Variants in ZNF208 observed in about 807,000 individuals in gnomAD.
ZNF208 encodes the protein zinc finger protein 95.
In ZNF208, 10 loss-of-function variants were observed where a neutral mutation model predicts 12.1. The ratio of observed to expected loss-of-function variants is 0.83; its 90% CI spans 0.51 to 1.40. The LOEUF (loss-of-function observed/expected upper bound fraction) is 1.40, where lower values mean the gene tolerates loss of function less well. Among genes scored for constraint, ZNF208 ranks in the 40% most tolerant of loss-of-function variants. ZNF208 has a pLI of 0.00. For missense variants in ZNF208, 1,652 were observed against 1,485.0 expected (o/e 1.11, Z -1.85); for synonymous variants, 497 against 488.4 (o/e 1.02, Z -0.23).
At position 21,972,891 on chromosome 19, in the gene ZNF208, G is replaced by A. The variant is rs1433964637; in HGVS notation, c.2143C>T (p.His715Tyr). ...CATTTGTAGGGTTTCTCTCCAGTAT[G>A]AATTCTCTTATGTTCCATAAGGTTT... ...SSNLMEHKRIHTGEKPYKCEE... is the reference protein window; with the variant it reads ...SSNLMEHKRIYTGEKPYKCEE... The change falls in exon 4 of 4, where the codon CAT becomes TAT. Residue 715 changes from histidine to tyrosine, a missense_variant. Coordinates refer to ENST00000397126, the MANE Select transcript of ZNF208 (RefSeq NM_007153.3). 4 of 1,613,202 alleles carry A rather than the reference G, an allele frequency of 2.5e-6. No homozygotes were observed. In the African/African-American group the frequency reaches 5.3e-5, roughly 22 times the overall value.
chr19:21,942,831 A>G (rs1407407035), intron 4 of ZNF208, among the ~76,000 whole-genome samples: 1 of 152,016 alleles, frequency 6.6e-6, no homozygotes, highest in Non-Finnish European at 1.5e-5. Context: ...TTGTATTTTT[A>G]GTAGAGATGG....
chr19:21,970,802 A>G lies in ZNF208; in HGVS notation c.*389T>C. The G allele has an allele frequency of 6.9e-7, 1 of 1,451,786 alleles. No individual in the cohort carries two copies. Among genetic ancestry groups the G allele is most frequent in the South Asian group, 1.1e-5 (1 of 87,070 alleles). The allele number at this position is 1,451,786 out of a possible 1,614,324, so 89.9% of individuals were successfully genotyped here. Reference sequence around the variant, plus strand: ...ATTTCTCTCCAGCATGAATTTTCTTATGTTTACTAAAGACTGAGAACCAGC... The same window carrying G: ...ATTTCTCTCCAGCATGAATTTTCTTGTGTTTACTAAAGACTGAGAACCAGC... On this transcript the variant is annotated 3_prime_UTR_variant, in exon 4 of 4. Coordinates refer to ENST00000397126, the MANE Select transcript of ZNF208 (RefSeq NM_007153.3).
chr19:21,986,278 CA>C (rs1428394189), intron 3 of ZNF208, among the ~76,000 whole-genome samples: 14 of 152,236 alleles, frequency 9.2e-5, no homozygotes, highest in African/African-American at 3.1e-4. Flanking sequence ...AAACCATAAA[CA>C]GTACATTAAA....
intron 1 of ZNF208, among the ~76,000 whole-genome samples, chr19:21,995,201 C>CTTGGCT (rs1162031350): frequency 6.6e-6 from 1 of 152,184 alleles, no homozygotes; most frequent in Non-Finnish European, 1.5e-5. Flanking sequence ...ATCCACCCAT[C>CTTGGCT]TTGGCTTCCC....
In ZNF208 at chr19:21,986,799, C is replaced by T. The variant is rs140928310; in HGVS notation, c.226+417G>A. ...AGGATGAAATGTACAGAAAAATGAA[C>T]AAAAAAACCCCAAAGATACAGAAAC... On this transcript the variant is annotated intron_variant, in intron 3 of 3. Transcript: ENST00000397126. 1.3e-3 allele frequency: 488 copies of T among 370,808 alleles called. 2 individuals are homozygous for T. The highest frequency in any genetic ancestry group is 9.5e-3 in the African/African-American group (456 of 48,028). 23.0% of individuals were successfully genotyped at this position (370,808 alleles called of 1,614,324 possible). A position where few individuals can be genotyped will look rare whatever the true frequency, so the allele number is the denominator to read the frequency against.
Position 21,973,727 on chromosome 19 carries a change from C to T in ZNF208, c.1307G>A (p.Trp436Ter). The T allele has an allele frequency of 6.2e-7, 1 of 1,608,584 alleles. No individual in the cohort carries two copies. Among genetic ancestry groups the T allele is most frequent in the Non-Finnish European group, 8.5e-7 (1 of 1,177,168 alleles). Residue 436 changes from tryptophan to a stop codon, truncating the protein, a stop_gained, in exon 4 of 4, where the codon TGG becomes TAG. Coordinates refer to ENST00000397126, the MANE Select transcript of ZNF208 (RefSeq NM_007153.3). LOFTEE classifies it low-confidence loss of function (END_TRUNC). ...KCEECGKAFN[W>*]SSNLMEHKKI... Reference sequence around the variant, plus strand: ...CTTATGTTCCATAAGGTTTGAGGACCAGTTGAAAGCTTTGCCACATTCTTC... The same window carrying T: ...CTTATGTTCCATAAGGTTTGAGGACTAGTTGAAAGCTTTGCCACATTCTTC...
intron 3 of ZNF208, among the ~76,000 whole-genome samples, chr19:21,981,239 T>C (rs1166640103): frequency 2.6e-5 from 4 of 152,086 alleles, no homozygotes; most frequent in African/African-American, 4.8e-5. Context: ...TACCAAAACC[T>C]GGCAGAGACA....
In ZNF208 at chr19:21,972,973, A is replaced by G. The variant is rs748795194; in HGVS notation, c.2061T>C (p.His687=). 23 of 1,613,776 alleles carry G rather than the reference A, an allele frequency of 1.4e-5. No homozygotes were observed. In the South Asian group the frequency reaches 2.4e-4, roughly 17 times the overall value. ...FSILTKHKVI[H]TGEKPYKCEE... The stretch of plus-strand genomic sequence containing the variant: ...CACATTTGTAGGGTTTCTCTCCAGT[A>G]TGAATTACCTTATGTTTAGTAAGGA... Residue 687 remains histidine, a synonymous_variant, in exon 4 of 4, where the codon CAT becomes CAC. Transcript: ENST00000397126.
intron 1 of ZNF208, among the ~76,000 whole-genome samples, chr19:21,993,620 G>A (rs1402903814): frequency 2.0e-5 from 3 of 152,166 alleles, no homozygotes; most frequent in Admixed American, 2.0e-4. Flanking sequence ...TATGGAAAGG[G>A]TCCATAAATG....
At position 21,973,265 on chromosome 19, in the gene ZNF208, A is replaced by T. The variant is rs543301426; in HGVS notation, c.1769T>A (p.Phe590Tyr). Reference protein sequence around the residue: ...PYKCEECGKAFNQSAILIKHK... With the variant: ...PYKCEECGKAYNQSAILIKHK... ...TTTAATAAGAATTGCAGATTGGTTA[A>T]AAGCTTTGCCACATTCTTCACATTT... Residue 590 changes from phenylalanine to tyrosine, a missense_variant, in exon 4 of 4, where the codon TTT becomes TAT. Physicochemically the swap from Phe to Tyr is conservative, Grantham distance 22. Coordinates refer to ENST00000397126, the MANE Select transcript of ZNF208 (RefSeq NM_007153.3). The T allele has an allele frequency of 6.2e-7, 1 of 1,612,422 alleles. No homozygotes were observed. The highest frequency in any genetic ancestry group is 8.5e-7 in the Non-Finnish European group (1 of 1,179,684).
chr19:21,943,734 C>A (rs138621679), intron 4 of ZNF208, among the ~76,000 whole-genome samples: 158 of 151,956 alleles, frequency 1.0e-3, no homozygotes, highest in Admixed American at 2.0e-3. Flanking sequence ...TGGGGGACCT[C>A]AATATAATGA....
At chr19:21,996,443 G>C (rs771993021) in intron 1 of ZNF208, among the ~76,000 whole-genome samples, 4 of 152,128 alleles carry the variant, frequency 2.6e-5, no homozygotes, top group Non-Finnish European at 5.9e-5. Context: ...TGGCAATAGT[G>C]AACAGTTTCA....
chr19:21,965,060 A>G (rs536510660), downstream of ZNF208, among the ~76,000 whole-genome samples: 12 of 152,134 alleles, frequency 7.9e-5, no homozygotes, highest in East Asian at 1.9e-3. Context: ...TACTCTATTT[A>G]CACTTAGAAG....
intron 1 of ZNF208, among the ~76,000 whole-genome samples, chr19:21,994,949 C>CT (rs376025647): frequency 7.3e-4 from 28 of 38,228 alleles, no homozygotes; most frequent in African/African-American, 2.8e-3. Context: ...ATCTGTTTTT[C>CT]TTTTCTTTTT....
At chr19:21,965,199 T>C (rs757450868), downstream of ZNF208, among the ~76,000 whole-genome samples, 2 of 152,026 alleles carry the variant, frequency 1.3e-5, no homozygotes, top group Non-Finnish European at 2.9e-5. Flanking sequence ...TAGCATATAA[T>C]AAATCAGAAA....
rs540259312 is a variant in ZNF208, at chr19:21,971,708, C to G, written c.3326G>C (p.Gly1109Ala). ...NLMEHKRIHTGEKPYKCEECG... is the reference protein window; with the variant it reads ...NLMEHKRIHTAEKPYKCEECG... ...TTCTTCACATTTGTAGGGTTTCTCT[C>G]CAGTATGAATTCTCTTATGTTCCAT... Residue 1109 changes from glycine (G) to alanine (A), a missense_variant, in exon 4 of 4, where the codon GGA becomes GCA. This residue lies in a region of ZNF208 where 1,239 missense variants were observed against 1,086.2 expected (regional missense o/e 1.14). Coordinates refer to ENST00000397126, the MANE Select transcript of ZNF208 (RefSeq NM_007153.3). 1 of 1,608,716 alleles carries G rather than the reference C, an allele frequency of 6.2e-7. No homozygotes were observed. The highest frequency in any genetic ancestry group is 1.3e-5 in the African/African-American group (1 of 74,888).
At chr19:21,991,743 A>T (rs1248408774) in intron 1 of ZNF208, 1 of 151,352 alleles carries the variant, frequency 6.6e-6, no homozygotes, top group African/African-American at 2.4e-5. Context: ...TCCATCTCAA[A>T]AAAAAAAAAA....
chr19:21,943,854 T>C (rs1393089066), intron 4 of ZNF208, among the ~76,000 whole-genome samples: 2 of 152,168 alleles, frequency 1.3e-5, no homozygotes, highest in African/African-American at 4.8e-5. Context: ...GTGCTAAAAG[T>C]ATTGAGCCAG....
rs1363927951 is a variant in ZNF208 at position 21,974,108 on chromosome 19, C to G, written c.926G>C (p.Gly309Ala). ...TLTTHKAIHAGEKPYKCKECG... is the reference protein window; with the variant it reads ...TLTTHKAIHAAEKPYKCKECG... ...TTCTTTACATTTGTAGGGCTTCTCTCCAGCATGAATTGCCTTATGTGTAGT... is the reference window on the plus strand; with the variant it reads ...TTCTTTACATTTGTAGGGCTTCTCTGCAGCATGAATTGCCTTATGTGTAGT... The change falls in exon 4 of 4, where the codon GGA (glycine) becomes GCA (alanine). Residue 309 changes from glycine (G) to alanine (A), a missense_variant. Physicochemically the swap from Gly to Ala is moderately conservative, Grantham distance 60. Transcript: ENST00000397126. 6.3e-7 allele frequency: 1 copy of G among 1,578,580 alleles called. No homozygotes were observed. Among genetic ancestry groups the G allele is most frequent in the Non-Finnish European group, 8.6e-7 (1 of 1,160,874 alleles).
Sources: gnomAD v4.1 joint callset for allele counts (sites outside exome capture counted in the v4.1 genomes callset) on GRCh38, gnomAD v4.1.1 for gene constraint, gnomAD v4.1.1 regional missense constraint, MANE v1.5 for transcripts, NCBI Gene and HGNC (gene_info 2026-07-23, HGNC 2026-07-21) for gene names.